The following FAM178B variants were observed in gnomAD, a reference collection of about 807,000 sequenced individuals.
FAM178B encodes family with sequence similarity 178 member B, also known as protein FAM178B.
In FAM178B, 82 loss-of-function variants were observed where a neutral mutation model predicts 91.7. The observed-to-expected ratio is 0.89, with a 90% CI of 0.75 to 1.07. The LOEUF (loss-of-function observed/expected upper bound fraction) is 1.07. FAM178B is among the 50% of genes least tolerant of loss of function. The pLI is 0.00. For synonymous variants in FAM178B, 368 were observed against 359.4 expected (o/e 1.02, Z -0.27); for missense variants, 769 against 846.7 (o/e 0.91, Z 1.14).
At chr2:96,924,508 T>A (rs1371946144) in intron 9 of FAM178B, among the ~76,000 whole-genome samples, 3 of 151,990 alleles carry the variant, frequency 2.0e-5, no homozygotes, top group Non-Finnish European at 2.9e-5. Flanking sequence ...CCTTTAAAGA[T>A]CAAGCCACAC....
Position 96,970,770 on chromosome 2 carries a change from C to G in FAM178B, c.572G>C (p.Trp191Ser), listed in dbSNP as rs753046466. Residue 191 changes from tryptophan to serine, a missense_variant, in exon 4 of 17, where the codon TGG (tryptophan) becomes TCG (serine). Transcript: ENST00000490605. Reference sequence around the variant, plus strand: ...GTTGAAGTAGCTTCCTGAGCCCCCCCAGGAAAACTGGAGAAACAGGACATG... The same window carrying G: ...GTTGAAGTAGCTTCCTGAGCCCCCCGAGGAAAACTGGAGAAACAGGACATG... ...SQQAAAPEFS[W>S]GGSGSYFNNL... 16 of 1,550,940 alleles carry G rather than the reference C, an allele frequency of 1.0e-5. No homozygotes were observed. The highest frequency in any genetic ancestry group is 1.3e-5 in the Non-Finnish European group (15 of 1,146,564).
At chr2:96,936,602 T>C (rs1221610687) in intron 8 of FAM178B, among the ~76,000 whole-genome samples, 3 of 150,560 alleles carry the variant, frequency 2.0e-5, no homozygotes, top group Non-Finnish European at 4.4e-5. Flanking sequence ...CTCTGCCTCC[T>C]GGGTTCAAGC....
At chr2:96,878,175 A>C (rs2080293340) in intron 15 of FAM178B, 133 bp from the exon 16 acceptor site, 5 of 1,033,400 alleles carry the variant, frequency 4.8e-6, no homozygotes, top group Non-Finnish European at 7.2e-6. Flanking sequence ...GAGGAGGAAA[A>C]GGAGGATGGG....
intron 5 of FAM178B, among the ~76,000 whole-genome samples, chr2:96,961,836 G>GA (rs2082085294): frequency 1.3e-5 from 2 of 152,274 alleles, no homozygotes; most frequent in Non-Finnish European, 2.9e-5. Context: ...TCCTGAGAAT[G>GA]AAATGGCACA....
At chr2:96,877,795 C>G in intron 16 of FAM178B, 95 bp downstream of exon 16, 2 of 1,292,828 alleles carry the variant, frequency 1.5e-6, no homozygotes, top group East Asian at 2.5e-5. Context: ...AGGAGCTCAG[C>G]AGCTGCAGCG....
At chr2:96,914,561 A>C (rs2081211077) in intron 12 of FAM178B, among the ~76,000 whole-genome samples, 1 of 152,174 alleles carries the variant, frequency 6.6e-6, no homozygotes, top group African/African-American at 2.4e-5. Flanking sequence ...TCAGTGTTTT[A>C]GGTGTCATCA....
At chr2:96,926,534 G>A (rs908243463) in intron 9 of FAM178B, among the ~76,000 whole-genome samples, 1 of 152,172 alleles carries the variant, frequency 6.6e-6, no homozygotes, top group African/African-American at 2.4e-5. Flanking sequence ...TGCAGCGTGG[G>A]CATGAGCCCC....
intron 5 of FAM178B, among the ~76,000 whole-genome samples, chr2:96,962,262 G>A (rs1459783782): frequency 6.6e-6 from 1 of 151,850 alleles, no homozygotes; most frequent in African/African-American, 2.4e-5. Flanking sequence ...AGATTGCACC[G>A]CTGCACTCCT....
intron 13 of FAM178B, among the ~76,000 whole-genome samples, chr2:96,898,292 T>C (rs1415672540): frequency 6.6e-6 from 1 of 152,124 alleles, no homozygotes; most frequent in Non-Finnish European, 1.5e-5. Flanking sequence ...TGGTCCAGGA[T>C]GTCCAGAGGC....
At chr2:96,901,868 T>G (rs978367712) in intron 13 of FAM178B, among the ~76,000 whole-genome samples, 23 of 152,170 alleles carry the variant, frequency 1.5e-4, no homozygotes, top group Non-Finnish European at 2.6e-4. Flanking sequence ...TTGAATTAAA[T>G]GCTCACTGCA....
chr2:96,897,822 G>T, intron 13 of FAM178B: 1 of 288,704 alleles, frequency 3.5e-6, no homozygotes, highest in Non-Finnish European at 5.2e-6. Context: ...TTTCTTCTCT[G>T]CCCAAATCCT....
chr2:96,958,583 A>G (rs1041897109), intron 6 of FAM178B, among the ~76,000 whole-genome samples: 2 of 151,556 alleles, frequency 1.3e-5, no homozygotes, highest in Non-Finnish European at 2.9e-5. Flanking sequence ...CCAGCCACTC[A>G]GCAGGCTGAG....
intron 1 of FAM178B, chr2:96,977,950 C>CGGGGTGGGGGGGGGG: frequency 4.4e-6 from 1 of 229,318 alleles, no homozygotes; most frequent in Non-Finnish European, 8.8e-6. Context: ...GTGGGGCGGG[C>CGGGGTGGGGGGGGGG]GGGGGAGGGG....
intron 13 of FAM178B, among the ~76,000 whole-genome samples, chr2:96,896,105 G>C (rs2080817718): frequency 6.6e-6 from 1 of 152,332 alleles, no homozygotes; most frequent in East Asian, 1.9e-4. Flanking sequence ...GCTCACAGCT[G>C]TGCAAGCATA....
At chr2:96,916,171 G>A (rs2081238350) in intron 12 of FAM178B, among the ~76,000 whole-genome samples, 2 of 152,196 alleles carry the variant, frequency 1.3e-5, no homozygotes, top group South Asian at 2.1e-4. Context: ...TTTGAAGGGT[G>A]TGCACATTTT....
chr2:96,901,454 G>T (rs188767521), intron 13 of FAM178B, among the ~76,000 whole-genome samples: 1 of 152,154 alleles, frequency 6.6e-6, no homozygotes, highest in Non-Finnish European at 1.5e-5. Flanking sequence ...GATTACAGGC[G>T]TGAGCCACCA....
At chr2:96,893,894 T>TGGA (rs984743827) in intron 14 of FAM178B, 32 bp downstream of exon 14, 1 of 1,601,248 alleles carries the variant, frequency 6.2e-7, no homozygotes, top group African/African-American at 1.3e-5. Flanking sequence ...GGCACCGTGG[T>TGGA]GGAGGCAGGC....
At chr2:96,960,523 G>C in intron 5 of FAM178B, 83 bp from the exon 6 acceptor site, 5 of 1,426,758 alleles carry the variant, frequency 3.5e-6, no homozygotes, top group Non-Finnish European at 4.7e-6. Flanking sequence ...GGGAAGGATA[G>C]AGGGGGGCCA....
At chr2:96,955,487 G>A (rs528198182) in intron 6 of FAM178B, among the ~76,000 whole-genome samples, 7 of 151,876 alleles carry the variant, frequency 4.6e-5, no homozygotes, top group African/African-American at 1.7e-4. Context: ...CTCCAGCCTG[G>A]GAGACAGAGC....
Sources: gnomAD v4.1 joint callset for allele counts (sites outside exome capture counted in the v4.1 genomes callset) on GRCh38, gnomAD v4.1.1 for gene constraint, MANE v1.5 for transcripts, NCBI Gene and HGNC (gene_info 2026-07-23, HGNC 2026-07-21) for gene names.